Variants in CCNC observed in about 807,000 individuals in gnomAD.
CCNC encodes the protein cyclin-C.
A neutral mutation model predicts 50.0 loss-of-function variants in CCNC; 19 were observed. The observed-to-expected ratio is 0.38, with a 90% confidence interval of 0.27 to 0.56. The LOEUF is 0.56. Ranked by LOEUF, CCNC falls within the 20% of genes least tolerant of loss-of-function variation. CCNC has a pLI of 0.72. For missense variants in CCNC, 200 were observed against 327.1 expected, an observed-to-expected ratio of 0.61 and a Z score of 3.00; for synonymous variants, 93 against 103.7, an observed-to-expected ratio of 0.90 and a Z score of 0.63.
chr6:99,544,197 G>A (rs1801983782), intron 11 of CCNC: 1 of 1,524,946 alleles, frequency 6.6e-7, no homozygotes, highest in Non-Finnish European at 8.8e-7. Context: ...TTGGCAATAG[G>A]ATTATTGCCT....
chr6:99,561,025 G>A (rs1039344051), intron 4 of CCNC, among the ~76,000 whole-genome samples: 5 of 152,196 alleles, frequency 3.3e-5, no homozygotes, highest in Non-Finnish European at 7.3e-5. Flanking sequence ...GATTGGTAAC[G>A]AGACTCCCAT....
chr6:99,549,291 A>ATC, intron 9 of CCNC: 4 of 389,818 alleles, frequency 1.0e-5, no homozygotes, highest in Non-Finnish European at 1.4e-5. Context: ...ATGGTTTCAA[A>ATC]AAAAAAAAAA....
intron 5 of CCNC, among the ~76,000 whole-genome samples, chr6:99,552,459 C>T (rs756335107): frequency 3.3e-5 from 5 of 151,876 alleles, no homozygotes; most frequent in South Asian, 2.1e-4. Context: ...GCAAAGGTCT[C>T]GAGTTACTCA....
At position 99,568,631 on chromosome 6, in the gene CCNC, C is replaced by T; in HGVS notation, c.-104G>A. Reference sequence around the variant, plus strand: ...TAACCGCGCTCCTCGATCAAATCAGCTCGGCTCGACTCCGCTCCGCGGCGG... The same window carrying T: ...TAACCGCGCTCCTCGATCAAATCAGTTCGGCTCGACTCCGCTCCGCGGCGG... On this transcript the variant is annotated 5_prime_UTR_variant, in exon 1 of 12. Transcript: ENST00000520429. 4.5e-6 allele frequency: 7 copies of T among 1,548,732 alleles called. No homozygotes were observed. Among genetic ancestry groups the T allele is most frequent in the Non-Finnish European group, 5.2e-6 (6 of 1,148,508 alleles).
Position 99,542,820 on chromosome 6 carries a change from C to A in CCNC, c.*735G>T, listed in dbSNP as rs1054022617. The A allele has an allele frequency of 3.3e-5, 5 of 152,442 alleles. No homozygotes were observed. Among genetic ancestry groups the A allele is most frequent in the African/African-American group, 1.2e-4 (5 of 41,404 alleles). The allele number at this position is 152,442 out of a possible 1,614,324, so 9.4% of individuals were successfully genotyped here. ...ATTCCAACATTATGGTTTTTGAATC[C>A]AATTAAGCTTTCAAAATGCCTGATT... On this transcript the variant is annotated 3_prime_UTR_variant, in exon 12 of 12. Transcript: ENST00000520429.
intron 11 of CCNC, 98 bp downstream of exon 11, chr6:99,545,014 G>C: frequency 1.6e-6 from 1 of 630,218 alleles, no homozygotes. Context: ...AGTTTTGGAA[G>C]AAATGTTTTA....
intron 6 of CCNC, 34 bp from the exon 7 acceptor site, chr6:99,551,062 A>G (rs779278405): frequency 9.8e-7 from 1 of 1,018,480 alleles, no homozygotes; most frequent in Non-Finnish European, 1.3e-6. Context: ...TGAAATGTCA[A>G]TATGAAACCA....
rs1408506425 is a variant in CCNC at position 99,562,635 on chromosome 6, T to C, written c.139+207A>G. On this transcript the variant is annotated intron_variant, in intron 2 of 11. Coordinates refer to ENST00000520429, the MANE Select transcript of CCNC (RefSeq NM_005190.4). ...ATTAGGTAACACTTTCAAATTGTCTTGAGTGCCTGTGATATGTAAAATTCA... is the reference window on the plus strand; with the variant it reads ...ATTAGGTAACACTTTCAAATTGTCTCGAGTGCCTGTGATATGTAAAATTCA... The C allele has an allele frequency of 5.4e-5, 25 of 465,664 alleles. No homozygotes were observed. In the South Asian group the frequency reaches 6.0e-4, roughly 11 times the overall value. The allele number at this position is 465,664 out of a possible 1,614,324, so 28.8% of individuals were successfully genotyped here. A position where few individuals can be genotyped will look rare whatever the true frequency, so the allele number is the denominator to read the frequency against.
In CCNC at chr6:99,545,974, C is replaced by CT. The variant is rs869104330; in HGVS notation, c.678+420dup. ...ATCAGCATTAACTCTTCCTACCAAA[C>CT]TTTTTTTTTTTTTAAACGGAGTCTC... is the stretch of plus-strand genomic sequence containing the variant. On this transcript the variant is annotated intron_variant, in intron 10 of 11. Transcript: ENST00000520429. Among the ~76,000 whole-genome samples the CT allele has an allele frequency of 3.2e-3, 468 of 146,892 alleles. 1 individual carries two copies. The highest frequency in any genetic ancestry group is 9.6e-3 in the African/African-American group (385 of 40,312).
chr6:99,568,478 A>G lies in CCNC; in HGVS notation c.32+18T>C, dbSNP rs773775673. The G allele has an allele frequency of 6.2e-7, 1 of 1,611,136 alleles. No individual in the cohort carries two copies. Among genetic ancestry groups the G allele is most frequent in the Non-Finnish European group, 8.5e-7 (1 of 1,178,498 alleles). On this transcript the variant is annotated intron_variant, in intron 1 of 11. Coordinates refer to ENST00000520429, the MANE Select transcript of CCNC (RefSeq NM_005190.4). ...CCCCAAAAACCGGCCCCAGGTGAGA[A>G]GACGGAAGATCGCTTACTAGTGGGA... is the stretch of plus-strand genomic sequence containing the variant.
At chr6:99,545,891 AC>A (rs1412101853) in intron 10 of CCNC, among the ~76,000 whole-genome samples, 1 of 152,162 alleles carries the variant, frequency 6.6e-6, no homozygotes, top group Non-Finnish European at 1.5e-5. Flanking sequence ...AACCAATTAA[AC>A]CAAAAGTTTA....
At chr6:99,563,882 T>A (rs1023657779) in intron 1 of CCNC, among the ~76,000 whole-genome samples, 1 of 152,132 alleles carries the variant, frequency 6.6e-6, no homozygotes, top group Non-Finnish European at 1.5e-5. Context: ...ACACAGAAAA[T>A]TAAGTAATTA....
chr6:99,568,305 C>G, intron 1 of CCNC, 191 bp downstream of exon 1: 1 of 603,150 alleles, frequency 1.7e-6, no homozygotes, highest in Non-Finnish European at 2.9e-6. Flanking sequence ...CTTCCCTCCC[C>G]GAAACTGGGG....
intron 5 of CCNC, among the ~76,000 whole-genome samples, chr6:99,555,150 G>A (rs558661479): frequency 4.0e-4 from 61 of 152,298 alleles, no homozygotes; most frequent in Admixed American, 6.5e-4. Context: ...ATCAACTAGA[G>A]TACAGTGCTT....
intron 1 of CCNC, among the ~76,000 whole-genome samples, chr6:99,565,223 T>C (rs1769069884): frequency 6.6e-6 from 1 of 152,034 alleles, no homozygotes. Context: ...CCATTCAAAT[T>C]TTGTGATTAC....
intron 4 of CCNC, 48 bp downstream of exon 4, chr6:99,561,314 TAACCA>T: frequency 8.4e-7 from 1 of 1,183,470 alleles, no homozygotes; most frequent in Non-Finnish European, 1.3e-6. Context: ...TGGGGCAGAT[TAACCA>T]ACATACATTG....
At chr6:99,564,422 CAAAAAA>C (rs11345511) in intron 1 of CCNC, among the ~76,000 whole-genome samples, 1 of 97,180 alleles carries the variant, frequency 1.0e-5, no homozygotes, top group African/African-American at 4.0e-5. Flanking sequence ...GAGACTCTGT[CAAAAAA>C]AAAAAAAAAA....
At position 99,543,528 on chromosome 6, in the gene CCNC, G is replaced by A. The variant is rs1185946239; in HGVS notation, c.*27C>T. 2.5e-6 allele frequency: 4 copies of A among 1,611,756 alleles called. No homozygotes were observed. The highest frequency in any genetic ancestry group is 2.2e-5 in the East Asian group (1 of 44,782). On this transcript the variant is annotated 3_prime_UTR_variant, in exon 12 of 12. Coordinates refer to ENST00000520429, the MANE Select transcript of CCNC (RefSeq NM_005190.4). ...CTGTCCAATGGTTTATTTCCAAGTG[G>A]TCCACTATGGAATTCTTCGGAATGT...
In CCNC at chr6:99,545,103, A is replaced by C; in HGVS notation, c.797+9T>G. The C allele has an allele frequency of 7.4e-7, 1 of 1,350,586 alleles. No homozygotes were observed. Among genetic ancestry groups the C allele is most frequent in the Non-Finnish European group, 1.1e-6 (1 of 940,772 alleles). The allele number at this position is 1,350,586 out of a possible 1,614,324, so 83.7% of individuals were successfully genotyped here. On this transcript the variant is annotated intron_variant, in intron 11 of 11. Transcript: ENST00000520429. ...TAAATGACATCAATAATTAAAGTCT[A>C]CAAAGTACCTGTTTGGAGGTGGTTT... is the stretch of plus-strand genomic sequence containing the variant.
Sources: allele counts gnomAD v4.1 joint callset (sites outside exome capture counted in the v4.1 genomes callset), GRCh38; gene constraint gnomAD v4.1.1; transcripts MANE v1.5; gene names NCBI Gene and HGNC (gene_info 2026-07-23, HGNC 2026-07-21).